Variants in STXBP6 observed in about 807,000 individuals in gnomAD.
The protein encoded by STXBP6 is syntaxin-binding protein 6.
Under a neutral mutation model 26.9 loss-of-function variants are expected in STXBP6, and 21 were observed. The observed-to-expected ratio is 0.78, with a 90% confidence interval of 0.55 to 1.12. The LOEUF (loss-of-function observed/expected upper bound fraction) is 1.12, where lower values mean the gene tolerates loss of function less well. STXBP6 is among the 50% of genes most tolerant of loss of function. The probability of loss-of-function intolerance (pLI) is 0.00; values close to 1 mark genes in which losing one functional copy is unlikely to be tolerated. For synonymous variants in STXBP6, 97 were observed against 92.6 expected (o/e 1.05, Z -0.27); for missense variants, 232 against 257.9 (o/e 0.90, Z 0.69).
At chr14:24,908,339 A>C (rs1331829337) in intron 2 of STXBP6, among the ~76,000 whole-genome samples, 2 of 152,178 alleles carry the variant, frequency 1.3e-5, no homozygotes, top group Non-Finnish European at 2.9e-5. Flanking sequence ...TCACATTGCC[A>C]CTGGACCTCT....
At chr14:24,978,281 TCATGCAGC>T (rs1042431406) in intron 1 of STXBP6, among the ~76,000 whole-genome samples, 1 of 152,184 alleles carries the variant, frequency 6.6e-6, no homozygotes, top group African/African-American at 2.4e-5. Flanking sequence ...TAACTGGTTC[TCATGCAGC>T]CATGCAGTCA....
At chr14:24,914,644 C>T (rs2071694903) in intron 2 of STXBP6, among the ~76,000 whole-genome samples, 1 of 152,168 alleles carries the variant, frequency 6.6e-6, no homozygotes, top group Admixed American at 6.5e-5. Flanking sequence ...ACTCTGCTGG[C>T]TCCCTGTTAC....
intron 1 of STXBP6, among the ~76,000 whole-genome samples, chr14:25,004,723 T>G (rs2053048411): frequency 6.6e-6 from 1 of 152,176 alleles, no homozygotes; most frequent in African/African-American, 2.4e-5. Flanking sequence ...AGATAGGGAC[T>G]AAAATAATTG....
At chr14:24,986,184 C>A (rs1429136375) in intron 1 of STXBP6, among the ~76,000 whole-genome samples, 2 of 152,232 alleles carry the variant, frequency 1.3e-5, no homozygotes. Flanking sequence ...AACTAGAAAA[C>A]CTCTAGCCCA....
intron 4 of STXBP6, among the ~76,000 whole-genome samples, chr14:24,832,339 T>C (rs2068478707): frequency 6.6e-6 from 1 of 152,240 alleles, no homozygotes; most frequent in South Asian, 2.1e-4. Context: ...CAGATGAGCT[T>C]GAGCATCACT....
chr14:24,995,626 T>A (rs911132653), intron 1 of STXBP6, among the ~76,000 whole-genome samples: 1 of 152,140 alleles, frequency 6.6e-6, no homozygotes, highest in Non-Finnish European at 1.5e-5. Context: ...ACAAAACTGG[T>A]AAAAATATTT....
At position 25,028,654 on chromosome 14, in the gene STXBP6, T is replaced by C. The variant is rs936012589; in HGVS notation, c.-33+21224A>G. On this transcript the variant is annotated intron_variant, in intron 1 of 5. Coordinates refer to ENST00000323944, the MANE Select transcript of STXBP6 (RefSeq NM_001394410.1). ...AGCCCATGGATCAAGTGGTAATTTC[T>C]ACTTTCAAGTCCTATTATTTAAGAA... 5.3e-5 allele frequency among the ~76,000 whole-genome samples: 8 copies of C among 152,336 alleles called. No individual in the cohort carries two copies. The East Asian group carries it at 1.5e-3, about 29-fold the overall frequency.
chr14:24,845,474 T>TA (rs2068931839), intron 4 of STXBP6, among the ~76,000 whole-genome samples: 1 of 152,214 alleles, frequency 6.6e-6, no homozygotes. Flanking sequence ...CAAGCCCCTT[T>TA]AGTCACTTAA....
Position 24,812,238 on chromosome 14 carries a change from G to C in STXBP6, c.*471C>G, listed in dbSNP as rs1052484. On this transcript the variant is annotated 3_prime_UTR_variant, in exon 6 of 6. Transcript: ENST00000323944. ...AAATTAAGTGTAGCTAGGACAGTGA[G>C]TGAAACTAATCACTGCTTGACTTTT... 22,121 of 156,006 alleles carry C rather than the reference G, an allele frequency of 0.14. 2,041 individuals are homozygous for C. The highest frequency in any genetic ancestry group is 0.21 in the Non-Finnish European group (14,787 of 70,316). 9.7% of individuals were successfully genotyped at this position (156,006 alleles called of 1,614,324 possible).
chr14:25,034,027 G>A (rs1240182955), intron 1 of STXBP6, among the ~76,000 whole-genome samples: 2 of 152,308 alleles, frequency 1.3e-5, no homozygotes, highest in African/African-American at 4.8e-5. Flanking sequence ...TGAGGAAGGG[G>A]AGAGAAACTA....
intron 2 of STXBP6, among the ~76,000 whole-genome samples, chr14:24,971,451 C>A (rs1318629003): frequency 6.6e-6 from 1 of 152,156 alleles, no homozygotes; most frequent in African/African-American, 2.4e-5. Context: ...TTTTCATCAA[C>A]CAAACCACAA....
chr14:24,969,978 A>C (rs1245351877), intron 2 of STXBP6, among the ~76,000 whole-genome samples: 1 of 152,220 alleles, frequency 6.6e-6, no homozygotes, highest in Non-Finnish European at 1.5e-5. Flanking sequence ...GTGGTGGCTC[A>C]TGCCTGCAAT....
At chr14:24,887,719 C>A (rs1339278437) in intron 2 of STXBP6, among the ~76,000 whole-genome samples, 1 of 152,190 alleles carries the variant, frequency 6.6e-6, no homozygotes, top group African/African-American at 2.4e-5. Flanking sequence ...ATTACCATCA[C>A]ATAAAACACA....
chr14:25,036,214 CAA>C (rs559433301), intron 1 of STXBP6, among the ~76,000 whole-genome samples: 4,102 of 80,344 alleles, frequency 0.051, 36 homozygotes, highest in Non-Finnish European at 0.072. Flanking sequence ...AAGACTCCAT[CAA>C]AAAAAAAAAA....
At chr14:24,882,875 T>C (rs1426801447) in intron 2 of STXBP6, among the ~76,000 whole-genome samples, 2 of 152,212 alleles carry the variant, frequency 1.3e-5, no homozygotes, top group Non-Finnish European at 2.9e-5. Flanking sequence ...TTTGAAACTT[T>C]GTATATTCTT....
At chr14:24,867,609 A>G (rs1430151542) in intron 2 of STXBP6, among the ~76,000 whole-genome samples, 1 of 152,196 alleles carries the variant, frequency 6.6e-6, no homozygotes, top group Non-Finnish European at 1.5e-5. Flanking sequence ...ATGTACAAAG[A>G]GGAATTTCAG....
intron 2 of STXBP6, among the ~76,000 whole-genome samples, chr14:24,945,139 A>ATTT (rs552562019): frequency 0.034 from 3,408 of 100,442 alleles, 641 homozygotes; most frequent in East Asian, 0.073. Flanking sequence ...CCAATTAGGA[A>ATTT]TTTTTTTTTT....
chr14:24,974,196 G>T (rs1264220384), intron 2 of STXBP6, among the ~76,000 whole-genome samples: 2 of 152,060 alleles, frequency 1.3e-5, no homozygotes, highest in Non-Finnish European at 2.9e-5. Flanking sequence ...CTTGTGAACT[G>T]AATCAACCTC....
chr14:25,002,594 C>T (rs986552805), intron 1 of STXBP6, among the ~76,000 whole-genome samples: 6 of 151,820 alleles, frequency 4.0e-5, no homozygotes, highest in African/African-American at 7.3e-5. Flanking sequence ...CTCCTGACCT[C>T]GTGATCCATG....
Sources: allele counts gnomAD v4.1 joint callset (sites outside exome capture counted in the v4.1 genomes callset), GRCh38; gene constraint gnomAD v4.1.1; transcripts MANE v1.5; gene names NCBI Gene and HGNC (gene_info 2026-07-23, HGNC 2026-07-21).